UBE2R2: variants seen among roughly 807,000 people sequenced by gnomAD.
The protein encoded by UBE2R2 is ubiquitin conjugating enzyme E2 R2, also known as ubiquitin-conjugating enzyme E2 R2.
UBE2R2 carries 1 observed loss-of-function variant against 27.8 expected under a neutral mutation model. The observed-to-expected ratio is 0.04, with a 90% CI of 0.01 to 0.17. The LOEUF is 0.17. Among genes scored for constraint, UBE2R2 ranks in the 10% least tolerant of loss-of-function variants. The probability of loss-of-function intolerance (pLI) is 1.00; values close to 1 mark genes in which losing one functional copy is unlikely to be tolerated. For synonymous variants in UBE2R2, 106 were observed against 113.3 expected (o/e 0.94, Z 0.41); for missense variants, 100 against 291.0 (o/e 0.34, Z 4.78).
intron 1 of UBE2R2, among the ~76,000 whole-genome samples, chr9:33,875,018 T>C (rs894973013): frequency 2.0e-5 from 3 of 151,810 alleles, no homozygotes; most frequent in Non-Finnish European, 4.4e-5. Context: ...TTTTTTTTAA[T>C]TGGCCAGGCT....
chr9:33,910,977 G>C (rs1822470226), intron 3 of UBE2R2, among the ~76,000 whole-genome samples: 1 of 152,140 alleles, frequency 6.6e-6, no homozygotes, highest in African/African-American at 2.4e-5. Flanking sequence ...GTAGTACAAT[G>C]CCTGTAATCC....
At chr9:33,828,639 G>A (rs1177746192) in intron 1 of UBE2R2, among the ~76,000 whole-genome samples, 1 of 151,928 alleles carries the variant, frequency 6.6e-6, no homozygotes, top group Non-Finnish European at 1.5e-5. Context: ...TCGGCTCACT[G>A]CAATCTCCGC....
chr9:33,819,901 T>C (rs1587420244), intron 1 of UBE2R2, among the ~76,000 whole-genome samples: 1 of 152,236 alleles, frequency 6.6e-6, no homozygotes, highest in East Asian at 1.9e-4. Context: ...CCTCCCAAAG[T>C]GCTGGGATTA....
At chr9:33,872,254 G>A (rs986185886) in intron 1 of UBE2R2, among the ~76,000 whole-genome samples, 3 of 151,564 alleles carry the variant, frequency 2.0e-5, no homozygotes, top group South Asian at 2.1e-4. Flanking sequence ...TTATCCAGGC[G>A]TGGTGGTGTA....
chr9:33,830,218 C>A (rs1019750568), intron 1 of UBE2R2, among the ~76,000 whole-genome samples: 1 of 145,758 alleles, frequency 6.9e-6, no homozygotes, highest in East Asian at 2.0e-4. Context: ...AGTGCAGTTG[C>A]GTGACCTCAG....
At chr9:33,816,204 G>A (rs191989046), upstream of UBE2R2, among the ~76,000 whole-genome samples, 202 of 151,784 alleles carry the variant, frequency 1.3e-3, no homozygotes, top group Admixed American at 4.1e-3. Context: ...GCTTTTCTAG[G>A]AAATGTTTTT....
intron 1 of UBE2R2, among the ~76,000 whole-genome samples, chr9:33,828,455 T>A (rs1299917419): frequency 2.7e-5 from 4 of 150,650 alleles, no homozygotes; most frequent in Non-Finnish European, 5.9e-5. Context: ...AGTGGAGTGA[T>A]CTTGGCTCAC....
chr9:33,913,758 T>C (rs550055765), intron 4 of UBE2R2, among the ~76,000 whole-genome samples: 2 of 152,322 alleles, frequency 1.3e-5, no homozygotes, highest in East Asian at 3.9e-4. Context: ...TGCTGAGTAA[T>C]ATAAAATCAG....
chr9:33,819,137 T>C (rs1825913132), intron 1 of UBE2R2, among the ~76,000 whole-genome samples: 1 of 152,194 alleles, frequency 6.6e-6, no homozygotes, highest in African/African-American at 2.4e-5. Context: ...CAAAATTAAG[T>C]AAAATAGGCC....
chr9:33,912,947 A>G (rs946870933), intron 4 of UBE2R2, among the ~76,000 whole-genome samples: 3 of 151,546 alleles, frequency 2.0e-5, no homozygotes, highest in African/African-American at 7.3e-5. Context: ...CCTCTTTTTT[A>G]TTTGTTTCTA....
At chr9:33,823,751 CAG>C (rs1233982185) in intron 1 of UBE2R2, among the ~76,000 whole-genome samples, 1 of 152,148 alleles carries the variant, frequency 6.6e-6, no homozygotes, top group Non-Finnish European at 1.5e-5. Context: ...AGAATTTTCT[CAG>C]AGAAAATGGG....
At chr9:33,847,420 A>G (rs1820870123) in intron 1 of UBE2R2, among the ~76,000 whole-genome samples, 1 of 152,058 alleles carries the variant, frequency 6.6e-6, no homozygotes, top group African/African-American at 2.4e-5. Context: ...TCTTTTAGTA[A>G]TGCTATTATT....
At chr9:33,865,500 A>G (rs13293229) in intron 1 of UBE2R2, among the ~76,000 whole-genome samples, 4,029 of 152,164 alleles carry the variant, frequency 0.026, 108 homozygotes, top group Middle Eastern at 0.065. Context: ...CTGGCCTTCT[A>G]AATATTTTAA....
At chr9:33,842,484 G>T (rs970936128) in intron 1 of UBE2R2, among the ~76,000 whole-genome samples, 1 of 152,064 alleles carries the variant, frequency 6.6e-6, no homozygotes. Context: ...GTCTCATTAA[G>T]AATTGAATTA....
chr9:33,842,773 G>C (rs990952184), intron 1 of UBE2R2, among the ~76,000 whole-genome samples: 7 of 151,784 alleles, frequency 4.6e-5, no homozygotes, highest in African/African-American at 1.5e-4. Flanking sequence ...AAGAGTACGT[G>C]GAAGCGCTAC....
intron 1 of UBE2R2, among the ~76,000 whole-genome samples, chr9:33,844,976 T>C (rs1477588014): frequency 6.6e-6 from 1 of 150,886 alleles, no homozygotes; most frequent in Non-Finnish European, 1.5e-5. Context: ...ACCATGTTGG[T>C]CAGGCTGGTC....
intron 1 of UBE2R2, among the ~76,000 whole-genome samples, chr9:33,869,928 C>T (rs1189891397): frequency 6.6e-6 from 1 of 152,100 alleles, no homozygotes; most frequent in East Asian, 1.9e-4. Context: ...CTCACCGAAA[C>T]ATCCGCCTCC....
chr9:33,869,855 T>C (rs377653095), intron 1 of UBE2R2, among the ~76,000 whole-genome samples: 4 of 151,758 alleles, frequency 2.6e-5, no homozygotes, highest in East Asian at 3.9e-4. Flanking sequence ...TTTGTTTTTT[T>C]ATTTTTTTGA....
intron 1 of UBE2R2, among the ~76,000 whole-genome samples, chr9:33,847,559 T>G (rs1208112377): frequency 6.6e-6 from 1 of 152,148 alleles, no homozygotes; most frequent in Non-Finnish European, 1.5e-5. Flanking sequence ...TCACTGAGCT[T>G]CTTTATCTTT....
Sources: allele counts gnomAD v4.1 joint callset (sites outside exome capture counted in the v4.1 genomes callset), GRCh38; gene constraint gnomAD v4.1.1; transcripts MANE v1.5; gene names NCBI Gene and HGNC (gene_info 2026-07-23, HGNC 2026-07-21).